SGCD: variants seen among roughly 807,000 people sequenced by gnomAD.
SGCD encodes the protein delta-sarcoglycan.
SGCD carries 18 observed loss-of-function variants against 36.6 expected under a neutral mutation model. The observed-to-expected ratio is 0.49, with a 90% CI of 0.34 to 0.73. The LOEUF (loss-of-function observed/expected upper bound fraction) is 0.73. SGCD is among the 30% of genes least tolerant of loss of function. SGCD has a pLI of 0.01. For missense variants in SGCD, 387 were observed against 346.7 expected (o/e 1.12, Z -0.92); for synonymous variants, 133 against 130.6 (o/e 1.02, Z -0.12).
rs182528894 is a variant in SGCD, at chr5:156,157,359, G to A, written c.-44+33340G>A. Among the ~76,000 whole-genome samples, 87 of 151,710 alleles carry A rather than the reference G, an allele frequency of 5.7e-4. 3 individuals are homozygous for A. The highest frequency in any genetic ancestry group is 4.1e-3 in the South Asian group (20 of 4,824). ...TAACTCTCAAATTATAAAATGCACC[G>A]TAGAAAGTGTAGTTAGGAATAAACA... On this transcript the variant is annotated intron_variant, in intron 3 of 9. Coordinates refer to the SGCD transcript ENST00000517913.
At chr5:156,671,274 T>C (rs1753280853) in intron 7 of SGCD, among the ~76,000 whole-genome samples, 1 of 10,520 alleles carries the variant, frequency 9.5e-5, no homozygotes, top group Non-Finnish European at 4.5e-4. Context: ...TATTGATTCT[T>C]TTTTTTTTTT....
intron 1 of SGCD, among the ~76,000 whole-genome samples, chr5:156,069,151 G>T (rs368155330): frequency 0.021 from 3,220 of 152,118 alleles, 50 homozygotes; most frequent in Middle Eastern, 0.13. Flanking sequence ...GTCAATTTTG[G>T]CTTTTGTTGC....
chr5:155,974,707 A>G (rs1758075013), intron 1 of SGCD, among the ~76,000 whole-genome samples: 1 of 152,034 alleles, frequency 6.6e-6, no homozygotes, highest in South Asian at 2.1e-4. Context: ...GCTTTAGAGC[A>G]GATTATTTGC....
At chr5:155,881,323 T>G (rs185177557) in intron 1 of SGCD, among the ~76,000 whole-genome samples, 108 of 151,518 alleles carry the variant, frequency 7.1e-4, no homozygotes, top group South Asian at 3.5e-3. Flanking sequence ...AATAAATAAA[T>G]AAAGAATATA....
At chr5:156,313,957 T>A (rs1280466570) in intron 3 of SGCD, among the ~76,000 whole-genome samples, 1 of 151,760 alleles carries the variant, frequency 6.6e-6, no homozygotes, top group Admixed American at 6.6e-5. Flanking sequence ...TTGGGTATCT[T>A]TTCTATTATC....
At chr5:155,850,254 T>C in the SGCD span, among the ~76,000 whole-genome samples, 1 of 152,188 alleles carries the variant, frequency 6.6e-6, no homozygotes, top group African/African-American at 2.4e-5. Context: ...TTGAGGAGCT[T>C]AGGCAGACAG....
At chr5:156,327,711 T>G (rs1767874290) in intron 1 of SGCD, among the ~76,000 whole-genome samples, 1 of 152,216 alleles carries the variant, frequency 6.6e-6, no homozygotes, top group Admixed American at 6.5e-5. Context: ...GAGTTTGAAG[T>G]TTCTACGTTG....
chr5:155,799,295 TTAGTAAAA>T, the SGCD span, among the ~76,000 whole-genome samples: 1 of 152,188 alleles, frequency 6.6e-6, no homozygotes, highest in Non-Finnish European at 1.5e-5. Flanking sequence ...TCCTGCTATT[TTAGTAAAA>T]TAGAGGTTGC....
At chr5:156,194,851 TATAAC>T (rs1236861591) in intron 3 of SGCD, among the ~76,000 whole-genome samples, 1 of 152,082 alleles carries the variant, frequency 6.6e-6, no homozygotes, top group Non-Finnish European at 1.5e-5. Context: ...AAATAGGAAT[TATAAC>T]ATAAGAACTA....
At chr5:156,686,386 C>A (rs530707252) in intron 7 of SGCD, among the ~76,000 whole-genome samples, 10 of 152,304 alleles carry the variant, frequency 6.6e-5, no homozygotes, top group African/African-American at 2.4e-4. Context: ...CTATGGTAAT[C>A]TGCAAAGCCA....
chr5:156,040,180 C>A (rs1174127123), intron 1 of SGCD, among the ~76,000 whole-genome samples: 1 of 152,146 alleles, frequency 6.6e-6, no homozygotes, highest in African/African-American at 2.4e-5. Flanking sequence ...TGGTGCTTCA[C>A]CCCTTGCATA....
chr5:156,565,155 A>G (rs1329885417), intron 4 of SGCD, among the ~76,000 whole-genome samples: 2 of 152,206 alleles, frequency 1.3e-5, no homozygotes, highest in African/African-American at 4.8e-5. Flanking sequence ...CTCCCTGTAC[A>G]TTATCATCTC....
At chr5:156,421,937 C>T (rs913515371) in intron 3 of SGCD, among the ~76,000 whole-genome samples, 7 of 152,008 alleles carry the variant, frequency 4.6e-5, no homozygotes, top group Non-Finnish European at 4.4e-5. Flanking sequence ...AATACAGCCT[C>T]GTATTATGCT....
chr5:156,089,719 G>A (rs938787292), intron 1 of SGCD, among the ~76,000 whole-genome samples: 21 of 152,188 alleles, frequency 1.4e-4, no homozygotes, highest in African/African-American at 4.3e-4. Flanking sequence ...AGTGATTTAA[G>A]TTTTGGGATT....
chr5:155,947,559 G>A (rs1757464861), intron 1 of SGCD, among the ~76,000 whole-genome samples: 1 of 152,000 alleles, frequency 6.6e-6, no homozygotes, highest in African/African-American at 2.4e-5. Context: ...TTCTGATCTC[G>A]AGCAGGTTAC....
chr5:156,665,404 T>C (rs1211615885), intron 7 of SGCD, among the ~76,000 whole-genome samples: 1 of 152,276 alleles, frequency 6.6e-6, no homozygotes, highest in African/African-American at 2.4e-5. Context: ...GGTTTCTTTC[T>C]GGGATTTTTT....
chr5:156,292,899 T>G (rs941026176), intron 3 of SGCD, among the ~76,000 whole-genome samples: 1 of 152,132 alleles, frequency 6.6e-6, no homozygotes, highest in African/African-American at 2.4e-5. Context: ...GTTACCTTCT[T>G]TGGAGAAATG....
intron 3 of SGCD, among the ~76,000 whole-genome samples, chr5:156,197,931 A>G (rs2127635593): frequency 6.6e-6 from 1 of 152,238 alleles, no homozygotes; most frequent in African/African-American, 2.4e-5. Context: ...TACTTACGTA[A>G]TTAGCATAGA....
chr5:155,911,131 G>T (rs1756621105), intron 1 of SGCD, among the ~76,000 whole-genome samples: 1 of 151,954 alleles, frequency 6.6e-6, no homozygotes, highest in African/African-American at 2.4e-5. Flanking sequence ...TTTAACATCT[G>T]GGATTAATAG....
Sources: gnomAD v4.1 joint callset for allele counts (sites outside exome capture counted in the v4.1 genomes callset) on GRCh38, gnomAD v4.1.1 for gene constraint, MANE v1.5 for transcripts, NCBI Gene and HGNC (gene_info 2026-07-23, HGNC 2026-07-21) for gene names.